Variants in ANKRD31 observed in about 807,000 individuals in gnomAD.
ANKRD31 encodes ankyrin repeat domain 31, also known as ankyrin repeat domain-containing protein 31.
In ANKRD31, 147 loss-of-function variants were observed where a neutral mutation model predicts 186.0. The observed-to-expected ratio is 0.79, with a 90% CI of 0.69 to 0.91. ANKRD31 has a LOEUF of 0.91. Among genes scored for constraint, ANKRD31 ranks in the 40% least tolerant of loss-of-function variants. The pLI, the probability that ANKRD31 is intolerant of heterozygous loss-of-function variation, is 0.00. For missense variants in ANKRD31, 1,986 were observed against 2,148.8 expected (o/e 0.92, Z 1.50); for synonymous variants, 673 against 736.4 (o/e 0.91, Z 1.39).
At chr5:75,189,556 A>G (rs1180701095) in intron 9 of ANKRD31, among the ~76,000 whole-genome samples, 1 of 152,188 alleles carries the variant, frequency 6.6e-6, no homozygotes, top group Non-Finnish European at 1.5e-5. Flanking sequence ...TTGAGTCTAC[A>G]TTCTTGTATA....
intron 1 of ANKRD31, 65 bp downstream of exon 1, chr5:75,236,518 C>T: frequency 7.2e-7 from 1 of 1,386,632 alleles, no homozygotes; most frequent in South Asian, 1.3e-5. Context: ...ACTCTGACCC[C>T]CTCAGAGGGC....
intron 11 of ANKRD31, among the ~76,000 whole-genome samples, chr5:75,168,419 G>A (rs573774670): frequency 6.6e-6 from 1 of 152,202 alleles, no homozygotes; most frequent in South Asian, 2.1e-4. Context: ...AATAAATATG[G>A]TTTCTGAGAT....
At chr5:75,111,759 AG>A (rs1193694895) in intron 20 of ANKRD31, among the ~76,000 whole-genome samples, 9 of 152,228 alleles carry the variant, frequency 5.9e-5, no homozygotes, top group Non-Finnish European at 1.3e-4. Context: ...TAAGATTATT[AG>A]GTCAGTGATC....
rs923353155 is a variant in ANKRD31, at chr5:75,104,359, C to G, written c.5200G>C (p.Gly1734Arg). ...GCCTTTTTTATTGTATCTTGTTGCC[C>G]AGATCCAGAGGAAGAGGAGATCTGA... Reference protein sequence around the residue: ...DSQISSSSGSGQQDTIKKALN... With the variant: ...DSQISSSSGSRQQDTIKKALN... The change falls in exon 22 of 26, where the codon GGG becomes CGG. Residue 1734 changes from glycine to arginine, a missense_variant. Transcript: ENST00000506364. 10 of 1,536,950 alleles carry G rather than the reference C, an allele frequency of 6.5e-6. No individual in the cohort carries two copies. The African/African-American group carries it at 1.4e-4, about 21-fold the overall frequency.
At chr5:75,222,389 C>T (rs1561548443) in intron 2 of ANKRD31, 31 bp from the exon 3 acceptor site, 1 of 1,470,604 alleles carries the variant, frequency 6.8e-7, no homozygotes, top group East Asian at 2.5e-5. Flanking sequence ...AAATCATTTA[C>T]AACAGTTTTA....
At chr5:75,134,356 C>A (rs908350972) in intron 17 of ANKRD31, among the ~76,000 whole-genome samples, 1 of 152,076 alleles carries the variant, frequency 6.6e-6, no homozygotes, top group Non-Finnish European at 1.5e-5. Context: ...CACAGAAATA[C>A]AAACTACCAT....
At chr5:75,178,458 T>C (rs1422720012) in intron 10 of ANKRD31, among the ~76,000 whole-genome samples, 1 of 152,110 alleles carries the variant, frequency 6.6e-6, no homozygotes, top group African/African-American at 2.4e-5. Flanking sequence ...ACCACACCTA[T>C]TCCAAAATTG....
chr5:75,193,721 C>A, intron 7 of ANKRD31, 130 bp from the exon 8 acceptor site: 1 of 763,368 alleles, frequency 1.3e-6, no homozygotes, highest in Admixed American at 3.0e-5. Context: ...TACAAGAATT[C>A]ATAGACATAT....
intron 25 of ANKRD31, among the ~76,000 whole-genome samples, chr5:75,075,332 G>A (rs1168445196): frequency 2.0e-5 from 3 of 152,058 alleles, no homozygotes; most frequent in African/African-American, 7.2e-5. Context: ...TTCCTGCCCA[G>A]GTAACCAATG....
intron 2 of ANKRD31, among the ~76,000 whole-genome samples, chr5:75,225,876 A>C (rs1757594983): frequency 6.6e-6 from 1 of 152,206 alleles, no homozygotes; most frequent in Admixed American, 6.5e-5. Context: ...CACTGATTCA[A>C]TAAGGCCTTG....
At chr5:75,086,256 G>A (rs4298239) in intron 23 of ANKRD31, among the ~76,000 whole-genome samples, 47,986 of 152,054 alleles carry the variant, frequency 0.32, 12,175 homozygotes, top group African/African-American at 0.71. Flanking sequence ...AAAGAACAGA[G>A]TTTTAAGAAT....
chr5:75,103,423 T>C (rs1307483742), intron 22 of ANKRD31, among the ~76,000 whole-genome samples: 3 of 152,204 alleles, frequency 2.0e-5, no homozygotes, highest in African/African-American at 7.2e-5. Flanking sequence ...AGTTCAACCA[T>C]TGTGAAAGAC....
intron 6 of ANKRD31, among the ~76,000 whole-genome samples, chr5:75,198,907 A>G (rs1755638644): frequency 6.6e-6 from 1 of 152,138 alleles, no homozygotes; most frequent in South Asian, 2.1e-4. Flanking sequence ...TGGTTTCCAA[A>G]TTTTATGTTA....
chr5:75,093,936 G>A (rs1746127609), intron 22 of ANKRD31, among the ~76,000 whole-genome samples: 1 of 152,098 alleles, frequency 6.6e-6, no homozygotes, highest in African/African-American at 2.4e-5. Context: ...TGACCCTATA[G>A]GCTAATATGA....
At chr5:75,096,953 A>G (rs2150041681) in intron 22 of ANKRD31, among the ~76,000 whole-genome samples, 1 of 152,136 alleles carries the variant, frequency 6.6e-6, no homozygotes, top group South Asian at 2.1e-4. Flanking sequence ...GAATGATGGT[A>G]TACAGCTTCA....
chr5:75,102,862 C>T (rs1333420591), intron 22 of ANKRD31, among the ~76,000 whole-genome samples: 7 of 152,244 alleles, frequency 4.6e-5, no homozygotes, highest in East Asian at 1.9e-4. Context: ...AGGGAATTCC[C>T]GGACCCCTTG....
chr5:75,081,298 C>T (rs1326389251), intron 24 of ANKRD31, among the ~76,000 whole-genome samples: 5 of 151,892 alleles, frequency 3.3e-5, no homozygotes, highest in African/African-American at 9.7e-5. Flanking sequence ...GACAGAGCTT[C>T]GCTCTTGTCA....
chr5:75,226,219 C>T (rs367674356), intron 2 of ANKRD31, among the ~76,000 whole-genome samples: 7 of 152,246 alleles, frequency 4.6e-5, no homozygotes, highest in African/African-American at 9.6e-5. Flanking sequence ...TAGACCTGCC[C>T]GAGGATTTGG....
chr5:75,102,539 A>G (rs914009114), intron 22 of ANKRD31, among the ~76,000 whole-genome samples: 1 of 152,226 alleles, frequency 6.6e-6, no homozygotes, highest in Non-Finnish European at 1.5e-5. Context: ...GGTGGAGTCT[A>G]CAGAGGCATG....
Sources: gnomAD v4.1 joint callset for allele counts (sites outside exome capture counted in the v4.1 genomes callset) on GRCh38, gnomAD v4.1.1 for gene constraint, MANE v1.5 for transcripts, NCBI Gene and HGNC (gene_info 2026-07-23, HGNC 2026-07-21) for gene names.